GRM7: variants seen among roughly 807,000 people sequenced by gnomAD.
The protein encoded by GRM7 is metabotropic glutamate receptor 7.
GRM7 carries 35 observed loss-of-function variants against 84.5 expected under a neutral mutation model. The ratio of observed to expected loss-of-function variants is 0.41; its 90% CI spans 0.32 to 0.55. The LOEUF is 0.55. Among genes scored for constraint, GRM7 ranks in the 20% least tolerant of loss-of-function variants. GRM7 has a pLI of 0.19. For synonymous variants in GRM7, 487 were observed against 455.1 expected, an observed-to-expected ratio of 1.07 and a Z score of -0.89; for missense variants, 1,003 against 1,194.6, an observed-to-expected ratio of 0.84 and a Z score of 2.36.
intron 1 of GRM7, among the ~76,000 whole-genome samples, chr3:6,901,947 A>G (rs907300449): frequency 2.0e-5 from 3 of 152,032 alleles, no homozygotes; most frequent in Non-Finnish European, 4.4e-5. Context: ...TTAATTTTCT[A>G]CATGTTTGAT....
At chr3:7,295,092 C>A (rs1288608223) in intron 2 of GRM7, among the ~76,000 whole-genome samples, 1 of 152,136 alleles carries the variant, frequency 6.6e-6, no homozygotes, top group Non-Finnish European at 1.5e-5. Flanking sequence ...AACCCAAGGT[C>A]ATATTGATTT....
At chr3:7,514,645 A>G (rs1700314658) in intron 7 of GRM7, among the ~76,000 whole-genome samples, 1 of 152,208 alleles carries the variant, frequency 6.6e-6, no homozygotes. Context: ...ACAGTCTCTT[A>G]AAGCTCATGG....
chr3:7,384,328 C>T (rs1229547735), intron 4 of GRM7, among the ~76,000 whole-genome samples: 6 of 151,648 alleles, frequency 4.0e-5, no homozygotes, highest in African/African-American at 1.5e-4. Context: ...TGCACCTGGC[C>T]GAATAATACA....
At chr3:7,130,928 T>C (rs1016862574) in intron 1 of GRM7, among the ~76,000 whole-genome samples, 7 of 152,102 alleles carry the variant, frequency 4.6e-5, no homozygotes, top group Non-Finnish European at 1.0e-4. Flanking sequence ...AGGAGGTATT[T>C]CTTCACTCAC....
intron 1 of GRM7, among the ~76,000 whole-genome samples, chr3:7,029,388 G>T (rs916020078): frequency 1.3e-5 from 2 of 151,596 alleles, no homozygotes; most frequent in Admixed American, 6.6e-5. Flanking sequence ...AATAATTGGC[G>T]GCAGGGACTC....
At chr3:7,593,437 C>G (rs1695887219) in intron 8 of GRM7, among the ~76,000 whole-genome samples, 1 of 152,100 alleles carries the variant, frequency 6.6e-6, no homozygotes, top group South Asian at 2.1e-4. Flanking sequence ...AAATCACATT[C>G]TATTGAAAAG....
In GRM7 at chr3:7,536,831, A is replaced by G. The variant is rs114340306; in HGVS notation, c.1516-41591A>G. 7.2e-3 allele frequency among the ~76,000 whole-genome samples: 1,102 copies of G among 152,318 alleles called. 8 individuals carry two copies. Among genetic ancestry groups the G allele is most frequent in the African/African-American group, 0.021 (885 of 41,574 alleles). On this transcript the variant is annotated intron_variant, in intron 7 of 9. Transcript: ENST00000357716. The stretch of plus-strand genomic sequence containing the variant: ...AGGTGCAGTCTCATGAGAGAATTTG[A>G]GATAGAATCATTTGACTATGTTTCT...
intron 9 of GRM7, among the ~76,000 whole-genome samples, chr3:7,708,590 G>A (rs1318379719): frequency 6.6e-6 from 1 of 152,162 alleles, no homozygotes; most frequent in African/African-American, 2.4e-5. Context: ...GGGACAGGAA[G>A]GTAATAGGGT....
intron 8 of GRM7, among the ~76,000 whole-genome samples, chr3:7,651,223 A>T (rs1698922183): frequency 6.6e-6 from 1 of 152,194 alleles, no homozygotes; most frequent in Admixed American, 6.5e-5. Flanking sequence ...ATCCTGGAAA[A>T]GAATTAAAGC....
intron 9 of GRM7, chr3:7,693,703 GT>G: frequency 6.7e-7 from 1 of 1,484,638 alleles, no homozygotes; most frequent in Non-Finnish European, 9.1e-7. Flanking sequence ...GCAAGTATCT[GT>G]CCTTCTAAGT....
chr3:7,402,936 A>T (rs1695513597), intron 4 of GRM7: 1 of 155,692 alleles, frequency 6.4e-6, no homozygotes, highest in Admixed American at 6.5e-5. Context: ...AAGAAAATGA[A>T]ATATCATTTT....
At chr3:7,048,512 A>T (rs1696879744) in intron 1 of GRM7, among the ~76,000 whole-genome samples, 1 of 151,938 alleles carries the variant, frequency 6.6e-6, no homozygotes, top group Non-Finnish European at 1.5e-5. Flanking sequence ...AAGATGCATT[A>T]CTGGGGCCTA....
intron 2 of GRM7, among the ~76,000 whole-genome samples, chr3:7,286,830 A>G (rs1175780660): frequency 2.0e-5 from 3 of 152,196 alleles, no homozygotes; most frequent in African/African-American, 7.2e-5. Context: ...GTTTTGGAGA[A>G]TGAAAAATCT....
Position 7,615,969 on chromosome 3 carries a change from CAT to C in GRM7, c.2451+36618_2451+36619del, listed in dbSNP as rs529918688. Among the ~76,000 whole-genome samples, 20 of 151,984 alleles carry C rather than the reference CAT, an allele frequency of 1.3e-4. 1 individual carries two copies. Among genetic ancestry groups the C allele is most frequent in the Middle Eastern group, 3.4e-3 (1 of 292 alleles). Reference sequence around the variant, plus strand: ...TGTATTACATATATAAACACACACACATATATAGTAGATAAGTAGATACATAG... The same window carrying C: ...TGTATTACATATATAAACACACACACATATAGTAGATAAGTAGATACATAG... On this transcript the variant is annotated intron_variant, in intron 8 of 9. Transcript: ENST00000357716.
At chr3:6,995,025 G>C (rs1270307058) in intron 1 of GRM7, among the ~76,000 whole-genome samples, 2 of 152,160 alleles carry the variant, frequency 1.3e-5, no homozygotes, top group Admixed American at 6.5e-5. Flanking sequence ...AAGTAGAAGA[G>C]ATGCATTTCA....
chr3:7,232,680 G>A (rs150710547), intron 2 of GRM7, among the ~76,000 whole-genome samples: 1 of 152,254 alleles, frequency 6.6e-6, no homozygotes, highest in Non-Finnish European at 1.5e-5. Flanking sequence ...CACTGTGTCT[G>A]GTGCTTTACA....
At chr3:7,553,892 G>T (rs1408000725) in intron 7 of GRM7, among the ~76,000 whole-genome samples, 1 of 152,118 alleles carries the variant, frequency 6.6e-6, no homozygotes, top group African/African-American at 2.4e-5. Flanking sequence ...TTCATTTATT[G>T]TATCTTCTTG....
At chr3:7,228,285 A>G (rs757884714) in intron 2 of GRM7, among the ~76,000 whole-genome samples, 17 of 152,208 alleles carry the variant, frequency 1.1e-4, no homozygotes, top group South Asian at 2.1e-4. Context: ...GATATGTTTA[A>G]GGTAAACGGC....
intron 9 of GRM7, among the ~76,000 whole-genome samples, chr3:7,715,029 T>C (rs1427685838): frequency 6.6e-6 from 1 of 152,226 alleles, no homozygotes; most frequent in Non-Finnish European, 1.5e-5. Flanking sequence ...TGCAGGAACA[T>C]AGACATGCCT....
Sources: gnomAD v4.1 joint callset for allele counts (sites outside exome capture counted in the v4.1 genomes callset) on GRCh38, gnomAD v4.1.1 for gene constraint, MANE v1.5 for transcripts, NCBI Gene and HGNC (gene_info 2026-07-23, HGNC 2026-07-21) for gene names.